Variants in SLC35B3 observed in about 807,000 individuals in gnomAD.
The protein encoded by SLC35B3 is adenosine 3'-phospho 5'-phosphosulfate transporter 2.
In SLC35B3, 35 loss-of-function variants were observed where a neutral mutation model predicts 44.1. The ratio of observed to expected loss-of-function variants is 0.79; its 90% CI spans 0.61 to 1.05. The LOEUF is 1.05. Among genes scored for constraint, SLC35B3 ranks in the 50% least tolerant of loss-of-function variants. SLC35B3 has a pLI of 0.00. For synonymous variants in SLC35B3, 146 were observed against 167.3 expected (o/e 0.87, Z 0.98); for missense variants, 414 against 476.4 (o/e 0.87, Z 1.22).
At chr6:8,423,659 C>T (rs1763144818) in intron 4 of SLC35B3, among the ~76,000 whole-genome samples, 1 of 152,124 alleles carries the variant, frequency 6.6e-6, no homozygotes, top group Admixed American at 6.6e-5. Context: ...TTTGTGTTCA[C>T]ATTGAAATCA....
Position 8,416,993 on chromosome 6 carries a change from A to G in SLC35B3, c.876T>C (p.Asn292=). The change falls in exon 9 of 11, where the codon AAT becomes AAC. Residue 292 remains asparagine (N), a splice_region_variant and synonymous_variant. Coordinates refer to ENST00000644923, the MANE Select transcript of SLC35B3 (RefSeq NM_001370476.2). ...ACGCATAACCATAGGTCCGAACTGG[A>G]TTCTGCAAAAAATAAAAAAGCCTGT... 1 of 1,533,404 alleles carries G rather than the reference A, an allele frequency of 6.5e-7. No homozygotes were observed. Among genetic ancestry groups the G allele is most frequent in the Non-Finnish European group, 8.8e-7 (1 of 1,137,176 alleles). 95.0% of individuals were successfully genotyped at this position (1,533,404 alleles called of 1,614,324 possible).
chr6:8,411,524 A>C lies in SLC35B3; in HGVS notation c.*2025T>G, dbSNP rs1479294760. 6.6e-6 allele frequency among the ~76,000 whole-genome samples: 1 copy of C among 152,224 alleles called. No individual in the cohort carries two copies. Among genetic ancestry groups the C allele is most frequent in the African/African-American group, 2.4e-5 (1 of 41,460 alleles). ...TCAAGTACAAATCCTTTTCTTCTTA[A>C]AAGTTTAAGGCAGCATAATGAAGTA... On this transcript the variant is annotated 3_prime_UTR_variant, in exon 11 of 11. Transcript: ENST00000644923.
intron 4 of SLC35B3, among the ~76,000 whole-genome samples, chr6:8,427,164 T>A (rs1291516087): frequency 6.6e-6 from 1 of 152,092 alleles, no homozygotes; most frequent in Middle Eastern, 3.2e-3. Context: ...GACGATGCAG[T>A]AGAAAAGAAA....
intron 4 of SLC35B3, among the ~76,000 whole-genome samples, chr6:8,424,621 G>T (rs1378787500): frequency 6.6e-6 from 1 of 152,068 alleles, no homozygotes; most frequent in African/African-American, 2.4e-5. Context: ...TCCTTAATTA[G>T]AAACTTATAC....
At position 8,420,678 on chromosome 6, in the gene SLC35B3, C is replaced by A; in HGVS notation, c.682+43G>T. 7.0e-7 allele frequency: 1 copy of A among 1,433,700 alleles called. No homozygotes were observed. The highest frequency in any genetic ancestry group is 9.7e-7 in the Non-Finnish European group (1 of 1,034,072). 88.8% of individuals were successfully genotyped at this position (1,433,700 alleles called of 1,614,324 possible). ...AAATATTCGAAATTCGTATTCTAAA[C>A]TAAAAAGCCTATAAAAGCTAGGAAT... On this transcript the variant is annotated intron_variant, in intron 6 of 10. Transcript: ENST00000644923. The surrounding 1 kb of genome is among the most constrained non-coding windows in gnomAD (Gnocchi z 4.4).
rs1762829859 is a variant in SLC35B3, at chr6:8,420,856, C to T, written c.575-28G>A. The T allele has an allele frequency of 6.5e-7, 1 of 1,542,438 alleles. No individual in the cohort carries two copies. Among genetic ancestry groups the T allele is most frequent in the East Asian group, 2.3e-5 (1 of 44,168 alleles). ...GTATAAAACAAACGTAAGTCCACTT[C>T]ATTATGCAAATACCCACCCAGCTTT... is the stretch of plus-strand genomic sequence containing the variant. On this transcript the variant is annotated intron_variant, in intron 5 of 10. Transcript: ENST00000644923. This position sits in a 1 kb window ranked among gnomAD's most constrained non-coding sequence, Gnocchi z 4.4.
chr6:8,431,053 T>C (rs901932504), intron 2 of SLC35B3, among the ~76,000 whole-genome samples: 3 of 152,206 alleles, frequency 2.0e-5, no homozygotes, highest in Non-Finnish European at 4.4e-5. Context: ...ATCATTTTAA[T>C]TTACATTCTT....
Position 8,434,356 on chromosome 6 carries a change from ACT to A in SLC35B3, c.3+27_3+28del, listed in dbSNP as rs1043958309. ...CGTGATTTTAACTATACTTTGCCAC[ACT>A]CAACGTTACAAATAAAAGAATCTTA... On this transcript the variant is annotated intron_variant, in intron 2 of 10. Transcript: ENST00000644923. This position sits in a 1 kb window ranked among gnomAD's most constrained non-coding sequence, Gnocchi z 6.3. 6.2e-7 allele frequency: 1 copy of A among 1,608,228 alleles called. No individual in the cohort carries two copies. The highest frequency in any genetic ancestry group is 1.7e-5 in the Admixed American group (1 of 59,946).
chr6:8,412,816 A>C lies in SLC35B3; in HGVS notation c.*733T>G, dbSNP rs971201390. Among the ~76,000 whole-genome samples, 1 of 152,142 alleles carries C rather than the reference A, an allele frequency of 6.6e-6. No homozygotes were observed. The highest frequency in any genetic ancestry group is 1.5e-5 in the Non-Finnish European group (1 of 68,024). On this transcript the variant is annotated 3_prime_UTR_variant, in exon 11 of 11. Coordinates refer to ENST00000644923, the MANE Select transcript of SLC35B3 (RefSeq NM_001370476.2). ...TAACAGGGTTCCCGCTGCTATGAGA[A>C]TCTAACGCTGCTGCTGATCTGACAG...
In SLC35B3 at chr6:8,414,979, T is replaced by C. The variant is rs1447507034; in HGVS notation, c.986-2A>G. 4 of 1,598,574 alleles carry C rather than the reference T, an allele frequency of 2.5e-6. No homozygotes were observed. Among genetic ancestry groups the C allele is most frequent in the Admixed American group, 1.7e-5 (1 of 59,614 alleles). The stretch of plus-strand genomic sequence containing the variant: ...TCATTGCTTTTCTTCCTGTTGTCAC[T>C]GTAGGAGCAAAAAATTAGTTTAGAA... On this transcript the variant is annotated splice_acceptor_variant, in intron 9 of 10. Transcript: ENST00000644923. LOFTEE classifies it high-confidence loss of function.
At position 8,433,204 on chromosome 6, in the gene SLC35B3, C is replaced by A. The variant is rs1294925642; in HGVS notation, c.3+1181G>T. On this transcript the variant is annotated intron_variant, in intron 2 of 10. Transcript: ENST00000644923. This position sits in a 1 kb window ranked among gnomAD's most constrained non-coding sequence, Gnocchi z 4.1. ...CCTAGATTACGAGACTGTTTATAAT[C>A]AATTCTTCCCTTTCTGACCCATCTG... 6.6e-6 allele frequency among the ~76,000 whole-genome samples: 1 copy of A among 152,166 alleles called. No homozygotes were observed. The highest frequency in any genetic ancestry group is 1.5e-5 in the Non-Finnish European group (1 of 68,032).
chr6:8,428,282 A>T (rs1763630852), intron 3 of SLC35B3, among the ~76,000 whole-genome samples: 1 of 152,202 alleles, frequency 6.6e-6, no homozygotes, highest in Non-Finnish European at 1.5e-5. Context: ...GAAATGGTTA[A>T]TTTGCCTAAA....
In SLC35B3 at chr6:8,412,794, C is replaced by T. The variant is rs976564826; in HGVS notation, c.*755G>A. On this transcript the variant is annotated 3_prime_UTR_variant, in exon 11 of 11. Coordinates refer to ENST00000644923, the MANE Select transcript of SLC35B3 (RefSeq NM_001370476.2). ...AACCCCTTGCATATGCGGTTCATAA[C>T]AGGGTTCCCGCTGCTATGAGAATCT... is the stretch of plus-strand genomic sequence containing the variant. Among the ~76,000 whole-genome samples the T allele has an allele frequency of 6.6e-6, 1 of 152,170 alleles. No individual in the cohort carries two copies. The highest frequency in any genetic ancestry group is 1.5e-5 in the Non-Finnish European group (1 of 68,032).
In SLC35B3 at chr6:8,435,519, G is replaced by C; in HGVS notation, c.-220C>G. 1.8e-6 allele frequency: 1 copy of C among 549,438 alleles called. No homozygotes were observed. Among genetic ancestry groups the C allele is most frequent in the East Asian group, 6.9e-5 (1 of 14,466 alleles). 34.0% of individuals were successfully genotyped at this position (549,438 alleles called of 1,614,324 possible). ...TCCCCGGAAAGCACTCTCAACTCCG[G>C]CGCCCGCAGGCCACTTCCGCCTATG... On this transcript the variant is annotated 5_prime_UTR_variant, in exon 1 of 11. Coordinates refer to ENST00000644923, the MANE Select transcript of SLC35B3 (RefSeq NM_001370476.2). The surrounding 1 kb of genome is among the most constrained non-coding windows in gnomAD (Gnocchi z 5.5).
upstream of SLC35B3, chr6:8,435,559 T>C (rs1050196066): frequency 5.8e-5 from 23 of 398,610 alleles, no homozygotes; most frequent in Non-Finnish European, 9.2e-5. The surrounding 1 kb of genome is among the most constrained non-coding windows in gnomAD (Gnocchi z 5.5). Flanking sequence ...CCTGCGCGCG[T>C]GCGCAGACGC....
chr6:8,431,369 T>C (rs543856192), intron 2 of SLC35B3, among the ~76,000 whole-genome samples: 96 of 152,330 alleles, frequency 6.3e-4, no homozygotes, highest in Non-Finnish European at 1.3e-3. Flanking sequence ...TTTAAACTGT[T>C]ACAAGATGGC....
chr6:8,420,608 G>C lies in SLC35B3; in HGVS notation c.682+113C>G, dbSNP rs1485823281. The C allele has an allele frequency of 2.9e-6, 2 of 681,232 alleles. No homozygotes were observed. Among genetic ancestry groups the C allele is most frequent in the Non-Finnish European group, 5.1e-6 (2 of 394,324 alleles). 42.2% of individuals were successfully genotyped at this position (681,232 alleles called of 1,614,324 possible). The stretch of plus-strand genomic sequence containing the variant: ...TGGAAAGTCCAAAAGCTTTATGTTA[G>C]ATATGAAAATTGCAGCTGTCACACT... On this transcript the variant is annotated intron_variant, in intron 6 of 10. Transcript: ENST00000644923. The surrounding 1 kb of genome is among the most constrained non-coding windows in gnomAD (Gnocchi z 4.4).
intron 3 of SLC35B3, among the ~76,000 whole-genome samples, chr6:8,429,068 A>C (rs1284332194): frequency 6.6e-6 from 1 of 152,178 alleles, no homozygotes; most frequent in Non-Finnish European, 1.5e-5. Context: ...TACTGGAAAT[A>C]TCTGTGTTTT....
In SLC35B3 at chr6:8,434,049, T is replaced by TATATATATATA. The variant is rs1554122963; in HGVS notation, c.3+335_3+336insTATATATATAT. On this transcript the variant is annotated intron_variant, in intron 2 of 10. Transcript: ENST00000644923. The surrounding 1 kb of genome is among the most constrained non-coding windows in gnomAD (Gnocchi z 6.3). ...TGAAACTAAAATATATATATATATA[T>TATATATATATA]TTTAAAAATCACAGGTGTGTATAAT... 0.015 allele frequency among the ~76,000 whole-genome samples: 2,237 copies of TATATATATATA among 150,182 alleles called. 61 individuals carry two copies. Among genetic ancestry groups the TATATATATATA allele is most frequent in the East Asian group, 0.1 (515 of 5,064 alleles).
Sources: gnomAD v4.1 joint callset for allele counts (sites outside exome capture counted in the v4.1 genomes callset) on GRCh38, gnomAD v4.1.1 for gene constraint, Gnocchi (gnomAD v3.1) non-coding constraint, MANE v1.5 for transcripts, NCBI Gene and HGNC (gene_info 2026-07-23, HGNC 2026-07-21) for gene names.